The following SHQ1 variants were observed in gnomAD, a reference collection of about 807,000 sequenced individuals.
SHQ1 encodes SHQ1, H/ACA ribonucleoprotein assembly factor.
In SHQ1, 49 loss-of-function variants were observed where a neutral mutation model predicts 53.8. The ratio of observed to expected loss-of-function variants is 0.91; its 90% CI spans 0.72 to 1.16. SHQ1 has a LOEUF of 1.16. Ranked by LOEUF, SHQ1 falls within the 50% of genes most tolerant of loss-of-function variation. The probability of loss-of-function intolerance (pLI) is 0.00; values close to 1 mark genes in which losing one functional copy is unlikely to be tolerated. For missense variants in SHQ1, 738 were observed against 683.1 expected (o/e 1.08, Z -0.90); for synonymous variants, 243 against 251.0 (o/e 0.97, Z 0.30).
At chr3:72,797,134 T>C (rs1375354835) in intron 9 of SHQ1, among the ~76,000 whole-genome samples, 2 of 152,018 alleles carry the variant, frequency 1.3e-5, no homozygotes, top group Middle Eastern at 3.2e-3. Flanking sequence ...AGCAGGTGCC[T>C]GTAGCCCCAG....
In SHQ1 at chr3:72,792,950, T is replaced by C. The variant is rs916882248; in HGVS notation, c.1147A>G (p.Ile383Val). The part of the protein sequence containing the change: ...DPAYILNDLY[I>V]SDYCVWIQKV... ...TGAATCCACACACAGTAGTCTGAGA[T>C]GTAGAGATCATTCAGTATGTACGCT... is the stretch of plus-strand genomic sequence containing the variant. The change falls in exon 10 of 11, where the codon ATC (isoleucine) becomes GTC (valine). Residue 383 changes from isoleucine (I) to valine (V), a missense_variant. Ile to Val is a conservative substitution (Grantham distance 29). Transcript: ENST00000325599. 1 of 1,611,886 alleles carries C rather than the reference T, an allele frequency of 6.2e-7. No individual in the cohort carries two copies. The highest frequency in any genetic ancestry group is 1.7e-5 in the Admixed American group (1 of 59,942).
chr3:72,802,179 C>A (rs1007685288), intron 9 of SHQ1, among the ~76,000 whole-genome samples: 2 of 152,200 alleles, frequency 1.3e-5, no homozygotes, highest in African/African-American at 2.4e-5. Flanking sequence ...CCCTGGCACT[C>A]CCATTACTGG....
chr3:72,835,808 A>C (rs1707975609), intron 4 of SHQ1, among the ~76,000 whole-genome samples: 1 of 152,098 alleles, frequency 6.6e-6, no homozygotes, highest in Non-Finnish European at 1.5e-5. Flanking sequence ...ATCATTGAGA[A>C]CTCAGTGCAA....
intron 10 of SHQ1, among the ~76,000 whole-genome samples, chr3:72,751,906 G>C (rs1705393641): frequency 6.6e-6 from 1 of 152,012 alleles, no homozygotes; most frequent in Admixed American, 6.6e-5. Context: ...CAAGCCCCAT[G>C]TCTGAATAAC....
chr3:72,772,743 G>T, intron 10 of SHQ1: 1 of 746,356 alleles, frequency 1.3e-6, no homozygotes, highest in East Asian at 2.5e-5. Flanking sequence ...CTACTCCCGT[G>T]GATGATCTTC....
At chr3:72,802,787 G>A (rs1706829116) in intron 9 of SHQ1, among the ~76,000 whole-genome samples, 1 of 152,140 alleles carries the variant, frequency 6.6e-6, no homozygotes, top group Non-Finnish European at 1.5e-5. Context: ...GTCAGAGTGA[G>A]GTGTGGTACT....
chr3:72,788,178 G>A (rs557745045), intron 10 of SHQ1, among the ~76,000 whole-genome samples: 11 of 149,540 alleles, frequency 7.4e-5, no homozygotes, highest in African/African-American at 2.5e-4. Flanking sequence ...GCCGCCCATC[G>A]TCTGGGATGT....
the SHQ1 span, among the ~76,000 whole-genome samples, chr3:72,729,293 C>T: frequency 2.0e-5 from 3 of 152,302 alleles, no homozygotes; most frequent in East Asian, 1.9e-4. Flanking sequence ...CACAGGCCTC[C>T]GAACTTAAGC....
chr3:72,823,997 C>T (rs1436207659), intron 6 of SHQ1, among the ~76,000 whole-genome samples: 3 of 152,180 alleles, frequency 2.0e-5, no homozygotes. Context: ...CTTAGAGAAG[C>T]TGGTAATAAC....
At chr3:72,828,358 G>T (rs1330372156) in intron 5 of SHQ1, among the ~76,000 whole-genome samples, 1 of 152,152 alleles carries the variant, frequency 6.6e-6, no homozygotes, top group African/African-American at 2.4e-5. Flanking sequence ...GGGGTCAGGG[G>T]AAATAAATGG....
chr3:72,811,899 G>A (rs1707134826), intron 9 of SHQ1, among the ~76,000 whole-genome samples: 2 of 152,132 alleles, frequency 1.3e-5, no homozygotes, highest in Admixed American at 1.3e-4. Context: ...TCCCCAGGGG[G>A]AGAATATAAG....
In SHQ1 at chr3:72,848,394, C is replaced by T. The variant is rs1708430070; in HGVS notation, c.-54G>A. 3.1e-6 allele frequency: 5 copies of T among 1,604,154 alleles called. No individual in the cohort carries two copies. The highest frequency in any genetic ancestry group is 3.4e-6 in the Non-Finnish European group (4 of 1,174,778). Reference sequence around the variant, plus strand: ...GCTCGCTCTCACTGCCGCCGCGTTCCCGCCACGCAAACTCTCCAACTCCCC... The same window carrying T: ...GCTCGCTCTCACTGCCGCCGCGTTCTCGCCACGCAAACTCTCCAACTCCCC... On this transcript the variant is annotated 5_prime_UTR_variant, in exon 1 of 11. Transcript: ENST00000325599.
At chr3:72,736,790 T>C in the SHQ1 span, among the ~76,000 whole-genome samples, 2 of 20,636 alleles carry the variant, frequency 9.7e-5, no homozygotes, top group Non-Finnish European at 1.4e-4. Flanking sequence ...GAGACTCCGT[T>C]TCAAAAAAAA....
Position 72,750,185 on chromosome 3 carries a change from A to T in SHQ1, c.*99T>A. 1.9e-6 allele frequency: 2 copies of T among 1,051,106 alleles called. No individual in the cohort carries two copies. Among genetic ancestry groups the T allele is most frequent in the Non-Finnish European group, 2.8e-6 (2 of 717,056 alleles). The allele number at this position is 1,051,106 out of a possible 1,614,324, so 65.1% of individuals were successfully genotyped here. Reference sequence around the variant, plus strand: ...CACACAAATACAGTGGGCTGACTATATACTAAGAAAAATTACAAAGTGAAA... The same window carrying T: ...CACACAAATACAGTGGGCTGACTATTTACTAAGAAAAATTACAAAGTGAAA... On this transcript the variant is annotated 3_prime_UTR_variant, in exon 11 of 11. Transcript: ENST00000325599.
Position 72,749,830 on chromosome 3 carries a change from T to C in SHQ1, c.*454A>G, listed in dbSNP as rs9812405. ...GGAAAACAAAAGGTATAAACATTCA[T>C]TGGTTGAAAAACAATGTCATAAAGT... On this transcript the variant is annotated 3_prime_UTR_variant, in exon 11 of 11. Transcript: ENST00000325599. The C allele has an allele frequency of 8.9e-4, 199 of 224,056 alleles. 1 individual carries two copies. The highest frequency in any genetic ancestry group is 4.2e-3 in the African/African-American group (189 of 44,856). 13.9% of individuals were successfully genotyped at this position (224,056 alleles called of 1,614,324 possible).
At chr3:72,815,607 C>G (rs887579081) in intron 7 of SHQ1, among the ~76,000 whole-genome samples, 1 of 152,088 alleles carries the variant, frequency 6.6e-6, no homozygotes, top group African/African-American at 2.4e-5. Flanking sequence ...TTGGGATTTT[C>G]GAAAATAAAA....
At chr3:72,798,657 T>C (rs1047634258) in intron 9 of SHQ1, among the ~76,000 whole-genome samples, 3 of 152,204 alleles carry the variant, frequency 2.0e-5, no homozygotes, top group East Asian at 1.9e-4. Context: ...CTGTTTTAAA[T>C]AGAATCCCTT....
At chr3:72,775,966 A>G (rs973974587) in intron 10 of SHQ1, among the ~76,000 whole-genome samples, 1 of 152,230 alleles carries the variant, frequency 6.6e-6, no homozygotes, top group Non-Finnish European at 1.5e-5. Context: ...AAGATAAAGA[A>G]TAAGATAAAT....
At chr3:72,827,316 T>C (rs1707690741) in intron 5 of SHQ1, among the ~76,000 whole-genome samples, 1 of 151,972 alleles carries the variant, frequency 6.6e-6, no homozygotes, top group Admixed American at 6.6e-5. Flanking sequence ...AAGACAGAGA[T>C]ATGAGAGTCA....
Sources: gnomAD v4.1 joint callset for allele counts (sites outside exome capture counted in the v4.1 genomes callset) on GRCh38, gnomAD v4.1.1 for gene constraint, MANE v1.5 for transcripts, NCBI Gene and HGNC (gene_info 2026-07-23, HGNC 2026-07-21) for gene names.